Variants in OXR1 observed in about 807,000 individuals in gnomAD.
OXR1 encodes oxidation resistance protein 1.
In OXR1, 41 loss-of-function variants were observed where a neutral mutation model predicts 104.6. That is an observed-to-expected ratio of 0.39 (90% confidence interval 0.31 to 0.51). The LOEUF is 0.51. Among genes scored for constraint, OXR1 ranks in the 20% least tolerant of loss-of-function variants. The pLI is 0.77. For missense variants in OXR1, 955 were observed against 1,031.9 expected (o/e 0.93, Z 1.02); for synonymous variants, 348 against 348.4 (o/e 1.00, Z 0.01).
intron 1 of OXR1, among the ~76,000 whole-genome samples, chr8:106,330,112 T>G (rs1814648170): frequency 6.6e-6 from 1 of 152,214 alleles, no homozygotes; most frequent in South Asian, 2.1e-4. Flanking sequence ...CCTTCATTCA[T>G]ACTGCCCCTT....
chr8:106,707,134 G>T lies in OXR1; in HGVS notation c.1613G>T (p.Gly538Val). ...AAGCATAAAATTACATCTGCTGATG[G>T]ACACATAGAAAGTAAGTGTTATAGA... The part of the protein sequence containing the change: ...EAKHKITSAD[G>V]HIESSALLKE... The change falls in exon 9 of 17, where the codon GGA (glycine) becomes GTA (valine). Residue 538 changes from glycine to valine, a missense_variant. Gly to Val is a moderately radical substitution (Grantham distance 109, BLOSUM62 -3). Transcript: ENST00000517566. The T allele has an allele frequency of 6.2e-7, 1 of 1,613,188 alleles. No individual in the cohort carries two copies. Among genetic ancestry groups the T allele is most frequent in the Non-Finnish European group, 8.5e-7 (1 of 1,179,320 alleles).
intron 2 of OXR1, among the ~76,000 whole-genome samples, chr8:106,516,547 C>A (rs924185656): frequency 3.3e-5 from 5 of 151,814 alleles, no homozygotes; most frequent in Non-Finnish European, 7.4e-5. Flanking sequence ...ACAGCCATTC[C>A]CAGTGGAAAA....
chr8:106,457,975 T>G (rs554768393), intron 2 of OXR1, among the ~76,000 whole-genome samples: 1 of 152,220 alleles, frequency 6.6e-6, no homozygotes, highest in Non-Finnish European at 1.5e-5. Flanking sequence ...GAGAAATGAT[T>G]TAAAGACTGA....
intron 8 of OXR1, among the ~76,000 whole-genome samples, chr8:106,704,463 A>G (rs924344862): frequency 3.1e-5 from 4 of 127,730 alleles, no homozygotes; most frequent in Admixed American, 3.1e-4. Context: ...CTGGAATGCA[A>G]TAGCACGATC....
chr8:106,297,631 T>C lies in OXR1; in HGVS notation c.-139+27264T>C, dbSNP rs138415985. 3.0e-3 allele frequency among the ~76,000 whole-genome samples: 453 copies of C among 152,326 alleles called. 10 individuals are homozygous for C. The highest frequency in any genetic ancestry group is 0.025 in the Admixed American group (375 of 15,286). The stretch of plus-strand genomic sequence containing the variant: ...GTAAAAACACAGTATTATAATCTTA[T>C]GGGACCACTGTCTTATATGCCATAC... On this transcript the variant is annotated intron_variant, in intron 1 of 16. Transcript: ENST00000517566.
chr8:106,407,819 G>C (rs1313641044), intron 2 of OXR1, among the ~76,000 whole-genome samples: 1 of 152,030 alleles, frequency 6.6e-6, no homozygotes, highest in Non-Finnish European at 1.5e-5. Flanking sequence ...TGGAGGAAGG[G>C]GTTTATTTTG....
At chr8:106,343,608 A>G (rs1452001933) in intron 1 of OXR1, among the ~76,000 whole-genome samples, 1 of 152,190 alleles carries the variant, frequency 6.6e-6, no homozygotes, top group Non-Finnish European at 1.5e-5. Flanking sequence ...CAACTGGGCC[A>G]TGTGCCTACC....
In OXR1 at chr8:106,359,648, G is replaced by A; in HGVS notation, c.23+12G>A. 1 of 1,536,672 alleles carries A rather than the reference G, an allele frequency of 6.5e-7. No individual in the cohort carries two copies. The highest frequency in any genetic ancestry group is 2.4e-5 in the East Asian group (1 of 40,828). ...TCTAATCTATCATGGTGAGTGAATGGTTTTCTTGCCTTAAATGTAAATGAA... is the reference window on the plus strand; with the variant it reads ...TCTAATCTATCATGGTGAGTGAATGATTTTCTTGCCTTAAATGTAAATGAA... On this transcript the variant is annotated intron_variant, in intron 2 of 16. Transcript: ENST00000517566.
chr8:106,713,837 A>T lies in OXR1; in HGVS notation c.1808A>T (p.Tyr603Phe). The stretch of plus-strand genomic sequence containing the variant: ...TCTCCTAACAGGACAGATCACTTGT[A>T]TGCCTTCTTCATTCAGTGGAGTCCA... ...AVPQERTDHL[Y>F]AFFIQWSPEI... The change falls in exon 11 of 17, where the codon TAT becomes TTT. Residue 603 changes from tyrosine (Y) to phenylalanine (F), a missense_variant. Tyr to Phe is a conservative substitution (Grantham distance 22, BLOSUM62 3). This residue lies in a region of OXR1 where 849 missense variants were observed against 852.9 expected (regional missense o/e 1.00). Coordinates refer to ENST00000517566, the MANE Select transcript of OXR1 (RefSeq NM_001198533.2). The T allele has an allele frequency of 6.4e-7, 1 of 1,566,140 alleles. No individual in the cohort carries two copies. Among genetic ancestry groups the T allele is most frequent in the Non-Finnish European group, 8.6e-7 (1 of 1,165,018 alleles).
At chr8:106,728,831 T>A (rs1441734144) in intron 11 of OXR1, among the ~76,000 whole-genome samples, 1 of 152,180 alleles carries the variant, frequency 6.6e-6, no homozygotes, top group Non-Finnish European at 1.5e-5. Flanking sequence ...CACAAGTCAT[T>A]AAATAGCATC....
chr8:106,619,552 G>A (rs1478023362), intron 3 of OXR1, among the ~76,000 whole-genome samples: 1 of 152,000 alleles, frequency 6.6e-6, no homozygotes, highest in Non-Finnish European at 1.5e-5. Flanking sequence ...CATTGGGGAG[G>A]TTGATAACCA....
rs144592860 is a variant in OXR1, at chr8:106,678,877, G to A, written c.221-333G>A. Among the ~76,000 whole-genome samples the A allele has an allele frequency of 2.6e-3, 389 of 152,064 alleles. 9 individuals carry two copies. Among genetic ancestry groups the A allele is most frequent in the Admixed American group, 0.024 (368 of 15,268 alleles). Reference sequence around the variant, plus strand: ...AAGATGTATTTTAAAAATATATAATGTATCTTAAAATGTGTTGGTATTATA... The same window carrying A: ...AAGATGTATTTTAAAAATATATAATATATCTTAAAATGTGTTGGTATTATA... On this transcript the variant is annotated intron_variant, in intron 3 of 16. Coordinates refer to ENST00000517566, the MANE Select transcript of OXR1 (RefSeq NM_001198533.2).
chr8:106,461,763 A>G (rs571109358), intron 2 of OXR1, among the ~76,000 whole-genome samples: 1 of 152,134 alleles, frequency 6.6e-6, no homozygotes, highest in Non-Finnish European at 1.5e-5. Flanking sequence ...AACAGATAAT[A>G]TGCGCAGTGT....
intron 3 of OXR1, among the ~76,000 whole-genome samples, chr8:106,560,243 A>C (rs970376634): frequency 3.9e-5 from 6 of 152,180 alleles, no homozygotes; most frequent in African/African-American, 1.4e-4. Flanking sequence ...GCAGTTGTAA[A>C]AGGGCACTAA....
intron 2 of OXR1, among the ~76,000 whole-genome samples, chr8:106,485,198 A>G (rs1810565263): frequency 6.6e-6 from 1 of 152,068 alleles, no homozygotes; most frequent in South Asian, 2.1e-4. Flanking sequence ...AGCATGGATA[A>G]TTTTTAGGGT....
At chr8:106,675,990 T>C (rs1563693725) in intron 3 of OXR1, among the ~76,000 whole-genome samples, 1 of 152,188 alleles carries the variant, frequency 6.6e-6, no homozygotes, top group Non-Finnish European at 1.5e-5. Flanking sequence ...TGCATATATA[T>C]ATCTAGGATA....
intron 3 of OXR1, among the ~76,000 whole-genome samples, chr8:106,646,782 GAAGA>G (rs926853083): frequency 6.6e-6 from 1 of 152,226 alleles, no homozygotes; most frequent in African/African-American, 2.4e-5. Context: ...GAAATCTGCA[GAAGA>G]AAGAAAATGA....
intron 3 of OXR1, among the ~76,000 whole-genome samples, chr8:106,633,055 G>A (rs1272593908): frequency 6.6e-6 from 1 of 152,032 alleles, no homozygotes; most frequent in African/African-American, 2.4e-5. Flanking sequence ...CCAAGATGGT[G>A]AAACCCTGTC....
chr8:106,676,831 A>C (rs543458391), intron 3 of OXR1, among the ~76,000 whole-genome samples: 2 of 152,062 alleles, frequency 1.3e-5, no homozygotes, highest in South Asian at 2.1e-4. Context: ...TAATTATTAA[A>C]ATTTAGAACT....
Sources: gnomAD v4.1 joint callset for allele counts (sites outside exome capture counted in the v4.1 genomes callset) on GRCh38, gnomAD v4.1.1 for gene constraint, gnomAD v4.1.1 regional missense constraint, MANE v1.5 for transcripts, NCBI Gene and HGNC (gene_info 2026-07-23, HGNC 2026-07-21) for gene names.